Variants in PIGH observed in about 807,000 individuals in gnomAD.
The protein encoded by PIGH is phosphatidylinositol N-acetylglucosaminyltransferase subunit H.
PIGH carries 11 observed loss-of-function variants against 20.1 expected under a neutral mutation model. That is an observed-to-expected ratio of 0.55 (90% CI 0.34 to 0.91). The LOEUF (loss-of-function observed/expected upper bound fraction) is 0.91, where lower values mean the gene tolerates loss of function less well. PIGH is among the 40% of genes least tolerant of loss of function. PIGH has a pLI of 0.02. For missense variants in PIGH, 189 were observed against 233.6 expected (o/e 0.81, Z 1.24); for synonymous variants, 72 against 93.1 (o/e 0.77, Z 1.31).
chr14:67,592,679 G>T lies in PIGH; in HGVS notation c.430C>A (p.Pro144Thr), dbSNP rs753988786. 5.0e-6 allele frequency: 8 copies of T among 1,608,300 alleles called. No homozygotes were observed. The highest frequency in any genetic ancestry group is 6.8e-6 in the Non-Finnish European group (8 of 1,176,366). ...IYYLCILLKD[P>T]VEPHGISQVV... ...TGGGATATCCCATGTGGTTCCACTG[G>T]ATCTTTCAATAAGATGCAGAGGTAG... is the stretch of plus-strand genomic sequence containing the variant. Residue 144 changes from proline to threonine, a missense_variant, in exon 3 of 4, where the codon CCA (proline) becomes ACA (threonine). Transcript: ENST00000216452.
chr14:67,591,634 C>CA (rs2036371224), intron 3 of PIGH, among the ~76,000 whole-genome samples: 1 of 152,152 alleles, frequency 6.6e-6, no homozygotes, highest in African/African-American at 2.4e-5. Context: ...TGGGCTCAAG[C>CA]AATCCTCCCA....
chr14:67,596,079 GGT>G (rs1475750181), intron 1 of PIGH, among the ~76,000 whole-genome samples: 1 of 151,922 alleles, frequency 6.6e-6, no homozygotes, highest in Non-Finnish European at 1.5e-5. Context: ...TTTTCCTATT[GGT>G]GTGTGTTTCT....
Position 67,592,711 on chromosome 14 carries a change from A to C in PIGH, c.398T>G (p.Val133Gly). 1 of 1,589,982 alleles carries C rather than the reference A, an allele frequency of 6.3e-7. No individual in the cohort carries two copies. Among genetic ancestry groups the C allele is most frequent in the Non-Finnish European group, 8.6e-7 (1 of 1,160,270 alleles). ...CAATAAGATGCAGAGGTAGTAAATCACCTTCTGCTGTAAGAAAATAAATCA... is the reference window on the plus strand; with the variant it reads ...CAATAAGATGCAGAGGTAGTAAATCCCCTTCTGCTGTAAGAAAATAAATCA... Reference protein sequence around the residue: ...VINEAIYMQKVIYYLCILLKD... With the variant: ...VINEAIYMQKGIYYLCILLKD... Residue 133 changes from valine to glycine, a missense_variant, in exon 3 of 4, where the codon GTG becomes GGG. By Grantham distance (109) the Val-to-Gly change is moderately radical (BLOSUM62 -3). Coordinates refer to ENST00000216452, the MANE Select transcript of PIGH (RefSeq NM_004569.5).
chr14:67,599,726 T>C (rs1377509025), intron 1 of PIGH, among the ~76,000 whole-genome samples: 1 of 152,092 alleles, frequency 6.6e-6, no homozygotes, highest in African/African-American at 2.4e-5. Context: ...ATAGAACACA[T>C]GGCAGTTAAA....
chr14:67,594,222 A>G (rs2036428616), intron 1 of PIGH, among the ~76,000 whole-genome samples: 1 of 152,170 alleles, frequency 6.6e-6, no homozygotes, highest in South Asian at 2.1e-4. Flanking sequence ...AGTAGCTTGC[A>G]CCTGTAATTC....
At chr14:67,593,511 G>T (rs2036414943) in intron 2 of PIGH, 3 of 502,244 alleles carry the variant, frequency 6.0e-6, no homozygotes, top group Non-Finnish European at 3.5e-6. Flanking sequence ...AAAGAAAAAA[G>T]ATAGAAAGAG....
intron 1 of PIGH, among the ~76,000 whole-genome samples, chr14:67,598,339 T>C (rs1026363951): frequency 6.6e-6 from 1 of 152,172 alleles, no homozygotes; most frequent in Non-Finnish European, 1.5e-5. Context: ...GGACCTGGCA[T>C]AAAAGCAGGC....
intron 2 of PIGH, 87 bp downstream of exon 2, chr14:67,593,656 T>A (rs1388903276): frequency 6.7e-6 from 5 of 743,032 alleles, no homozygotes; most frequent in Non-Finnish European, 1.2e-5. Flanking sequence ...GTCTCACTTT[T>A]ACGGTTTTAG....
chr14:67,590,808 G>A (rs891194915), intron 3 of PIGH, among the ~76,000 whole-genome samples: 4 of 152,200 alleles, frequency 2.6e-5, no homozygotes, highest in Non-Finnish European at 5.9e-5. Flanking sequence ...TGCGAGGTGG[G>A]AGATCAAATG....
chr14:67,593,403 A>T, intron 2 of PIGH: 1 of 267,036 alleles, frequency 3.7e-6, no homozygotes, highest in Non-Finnish European at 7.2e-6. Context: ...AGGTGGGAGA[A>T]TGGCTTGAGC....
chr14:67,592,474 A>C (rs1352956418), intron 3 of PIGH, 161 bp downstream of exon 3: 4 of 575,560 alleles, frequency 6.9e-6, no homozygotes, highest in Non-Finnish European at 1.3e-5. Flanking sequence ...ATTTTTAAGG[A>C]ATACATTTGC....
At chr14:67,593,534 C>T in intron 2 of PIGH, 1 of 537,268 alleles carries the variant, frequency 1.9e-6, no homozygotes, top group East Asian at 3.1e-5. Context: ...GGAAAAAATG[C>T]CAGTGATAAT....
chr14:67,599,560 TAAAC>T (rs1204615258), intron 1 of PIGH, among the ~76,000 whole-genome samples: 2 of 152,268 alleles, frequency 1.3e-5, no homozygotes, highest in South Asian at 2.1e-4. Context: ...TACACACAGA[TAAAC>T]ACACACACTT....
At chr14:67,591,764 C>G (rs1429592173) in intron 3 of PIGH, 1 of 151,392 alleles carries the variant, frequency 6.6e-6, no homozygotes, top group African/African-American at 2.4e-5. Flanking sequence ...AACTCCTGAG[C>G]TCAAGTGATC....
rs45474396 is a variant in PIGH, at chr14:67,593,857, G to A, written c.276C>T (p.Ile92=). 146,877 of 1,611,808 alleles carry A rather than the reference G, an allele frequency of 0.091. 7,107 individuals are homozygous for A. Among genetic ancestry groups the A allele is most frequent in the Middle Eastern group, 0.13 (768 of 6,060 alleles). The change falls in exon 2 of 4, where the codon ATC becomes ATT. Residue 92 remains isoleucine (I), a synonymous_variant. Transcript: ENST00000216452. ...FVKIDQETLL[I]IDSLGIQMTS... is the part of the protein sequence containing the mutation. ...TCATCTGAATGCCAAGGGAATCAAT[G>A]ATTAACAGAGTCTCCTGATCAATCT...
rs757878458 is a variant in PIGH, at chr14:67,600,211, C to T, written c.-8G>A. On this transcript the variant is annotated 5_prime_UTR_variant, in exon 1 of 4. Coordinates refer to ENST00000216452, the MANE Select transcript of PIGH (RefSeq NM_004569.5). ...GCTCCGCTCATCCTCCATGACGCCCCCACTCGGCCGCCCGCACCGCGCGGC... is the reference window on the plus strand; with the variant it reads ...GCTCCGCTCATCCTCCATGACGCCCTCACTCGGCCGCCCGCACCGCGCGGC... 2.2e-5 allele frequency: 35 copies of T among 1,563,618 alleles called. No homozygotes were observed. In the African/African-American group the frequency reaches 4.5e-4, roughly 20 times the overall value.
chr14:67,595,340 G>A (rs186333350), intron 1 of PIGH, among the ~76,000 whole-genome samples: 59 of 152,252 alleles, frequency 3.9e-4, no homozygotes, highest in Admixed American at 1.2e-3. Context: ...TACTGACTTT[G>A]TATTGTTTCC....
Position 67,600,087 on chromosome 14 carries a change from A to C in PIGH, c.117T>G (p.Arg39=), listed in dbSNP as rs1433860784. The C allele has an allele frequency of 2.5e-6, 4 of 1,593,902 alleles. No homozygotes were observed. In the Admixed American group the frequency reaches 5.2e-5, roughly 21 times the overall value. ...FCLSCPRLSL[R]SLTAVTCTVW... ...CCGTGCAGGTGACAGCGGTGAGCGA[A>C]CGCAGCGAGAGCCGAGGGCAGCTGA... The change falls in exon 1 of 4, where the codon CGT becomes CGG. Residue 39 remains arginine, a synonymous_variant. Coordinates refer to ENST00000216452, the MANE Select transcript of PIGH (RefSeq NM_004569.5).
Position 67,593,963 on chromosome 14 carries a change from A to G in PIGH, c.181-11T>C, listed in dbSNP as rs778238204. The G allele has an allele frequency of 8.2e-6, 13 of 1,579,690 alleles. No individual in the cohort carries two copies. The Admixed American group carries it at 1.0e-4, about 12-fold the overall frequency. ...GAGGATCATGCTGTTCTGAAGAGAGAGCCAGACACAGACAGTAAGATTACC... is the reference window on the plus strand; with the variant it reads ...GAGGATCATGCTGTTCTGAAGAGAGGGCCAGACACAGACAGTAAGATTACC... On this transcript the variant is annotated splice_polypyrimidine_tract_variant and intron_variant, in intron 1 of 3. Coordinates refer to ENST00000216452, the MANE Select transcript of PIGH (RefSeq NM_004569.5).
Sources: allele counts gnomAD v4.1 joint callset (sites outside exome capture counted in the v4.1 genomes callset), GRCh38; gene constraint gnomAD v4.1.1; transcripts MANE v1.5; gene names NCBI Gene and HGNC (gene_info 2026-07-23, HGNC 2026-07-21).